The following FSTL4 variants were observed in gnomAD, a reference collection of about 807,000 sequenced individuals.
FSTL4 encodes follistatin like 4, also known as follistatin-related protein 4.
A neutral mutation model predicts 78.2 loss-of-function variants in FSTL4; 28 were observed. The ratio of observed to expected loss-of-function variants is 0.36; its 90% CI spans 0.27 to 0.49. The LOEUF is 0.49. FSTL4 is among the 20% of genes least tolerant of loss of function. The probability of loss-of-function intolerance (pLI) is 0.98; values close to 1 mark genes in which losing one functional copy is unlikely to be tolerated. For missense variants in FSTL4, 922 were observed against 1,084.9 expected, an observed-to-expected ratio of 0.85 and a Z score of 2.11; for synonymous variants, 422 against 440.5, an observed-to-expected ratio of 0.96 and a Z score of 0.53.
At chr5:133,394,768 C>T (rs1395871324) in intron 4 of FSTL4, among the ~76,000 whole-genome samples, 1 of 152,246 alleles carries the variant, frequency 6.6e-6, no homozygotes, top group African/African-American at 2.4e-5. Context: ...GGCAGCTCCA[C>T]CTGCAGCCCG....
At chr5:133,383,748 T>C (rs1000479680) in intron 4 of FSTL4, among the ~76,000 whole-genome samples, 6 of 152,150 alleles carry the variant, frequency 3.9e-5, no homozygotes, top group African/African-American at 1.4e-4. Flanking sequence ...ACCAAGGCGG[T>C]TGATTAAATA....
At chr5:133,755,226 C>A in the FSTL4 span, among the ~76,000 whole-genome samples, 31,008 of 152,118 alleles carry the variant, frequency 0.2, 3,418 homozygotes, top group East Asian at 0.41. Context: ...TGGCCAAGGG[C>A]AATTCCTAGA....
intron 7 of FSTL4, chr5:133,246,689 TG>T (rs1445252179): frequency 6.6e-6 from 1 of 152,158 alleles, no homozygotes; most frequent in African/African-American, 2.4e-5. Context: ...CCTATCTGCC[TG>T]ACTAGGGAGC....
At chr5:133,705,126 T>A in the FSTL4 span, among the ~76,000 whole-genome samples, 1 of 152,190 alleles carries the variant, frequency 6.6e-6, no homozygotes, top group African/African-American at 2.4e-5. Flanking sequence ...AGTGGCACAA[T>A]CTCGGCTCAC....
rs754429645 is a variant in FSTL4 at position 133,567,189 on chromosome 5, C to T, written c.157G>A (p.Glu53Lys). 5 of 1,607,380 alleles carry T rather than the reference C, an allele frequency of 3.1e-6. No homozygotes were observed. Among genetic ancestry groups the T allele is most frequent in the Non-Finnish European group, 4.3e-6 (5 of 1,173,830 alleles). ...EPRSFEVTRR[E>K]GLSSHNELLA... ...GGTATGAGTGCATTTTTCCTACCTTCTCTTCTTGTGACTTCAAAGCTTCTG... is the reference window on the plus strand; with the variant it reads ...GGTATGAGTGCATTTTTCCTACCTTTTCTTCTTGTGACTTCAAAGCTTCTG... Residue 53 changes from glutamate (E) to lysine (K), a missense_variant, in exon 3 of 16, where the codon GAA (glutamate) becomes AAA (lysine). Transcript: ENST00000265342.
rs554770382 is a variant in FSTL4 at position 133,545,399 on chromosome 5, T to C, written c.160+21787A>G. Among the ~76,000 whole-genome samples the C allele has an allele frequency of 5.3e-4, 80 of 152,278 alleles. 1 individual carries two copies. In the Middle Eastern group the frequency reaches 0.02, roughly 39 times the overall value. On this transcript the variant is annotated intron_variant, in intron 3 of 15. Transcript: ENST00000265342. ...AATTAGTTACAAGAGTGTGTTATTA[T>C]AAAGCAAGGCTTCTCCCTGAGTTTT...
At chr5:133,259,683 G>A (rs754119565) in intron 6 of FSTL4, among the ~76,000 whole-genome samples, 1 of 151,998 alleles carries the variant, frequency 6.6e-6, no homozygotes, top group African/African-American at 2.4e-5. Context: ...CGGACTGGTG[G>A]GAGAGAGGGA....
chr5:133,602,513 T>C (rs561402993), intron 2 of FSTL4, among the ~76,000 whole-genome samples: 1 of 152,364 alleles, frequency 6.6e-6, no homozygotes, highest in East Asian at 1.9e-4. Flanking sequence ...CTTACCTGTG[T>C]GTTTGTCTGT....
chr5:133,622,466 TA>T, the FSTL4 span, among the ~76,000 whole-genome samples: 1 of 152,150 alleles, frequency 6.6e-6, no homozygotes, highest in Non-Finnish European at 1.5e-5. Flanking sequence ...CAATTTCGAA[TA>T]AAAATGTTAC....
chr5:133,298,733 C>T (rs180719082), intron 6 of FSTL4, among the ~76,000 whole-genome samples: 6 of 152,322 alleles, frequency 3.9e-5, no homozygotes, highest in African/African-American at 1.2e-4. Context: ...TGTCTCAGTT[C>T]GCTCTGGAAG....
chr5:133,823,645 A>AG, the FSTL4 span, among the ~76,000 whole-genome samples: 11 of 152,178 alleles, frequency 7.2e-5, no homozygotes, highest in African/African-American at 2.7e-4. Context: ...GCTGGAAACC[A>AG]GGGGAGTCCT....
intron 3 of FSTL4, among the ~76,000 whole-genome samples, chr5:133,434,374 A>G (rs1288247617): frequency 1.3e-5 from 2 of 152,224 alleles, no homozygotes; most frequent in Non-Finnish European, 2.9e-5. Context: ...GTACTTTATA[A>G]AATTGGAATC....
rs888857527 is a variant in FSTL4 at position 133,516,574 on chromosome 5, A to G, written c.160+50612T>C. Among the ~76,000 whole-genome samples, 6 of 152,374 alleles carry G rather than the reference A, an allele frequency of 3.9e-5. 1 individual carries two copies. The South Asian group carries it at 1.2e-3, about 32-fold the overall frequency. On this transcript the variant is annotated intron_variant, in intron 3 of 15. Coordinates refer to ENST00000265342, the MANE Select transcript of FSTL4 (RefSeq NM_015082.2). ...GATTGTAAAGATTTAAATTTTCTCC[A>G]TATTCCCCTATAACAGTAACACAAT... is the stretch of plus-strand genomic sequence containing the variant.
intron 3 of FSTL4, among the ~76,000 whole-genome samples, chr5:133,510,296 A>T (rs1213865963): frequency 6.6e-6 from 1 of 152,156 alleles, no homozygotes; most frequent in Non-Finnish European, 1.5e-5. Flanking sequence ...TCTGGGCAAA[A>T]CACCTTGTTG....
At chr5:133,490,937 C>CTTGAGGGTGT (rs1758253906) in intron 3 of FSTL4, among the ~76,000 whole-genome samples, 3 of 152,108 alleles carry the variant, frequency 2.0e-5, no homozygotes, top group Non-Finnish European at 4.4e-5. Context: ...ACAATAGACA[C>CTTGAGGGTGT]CAGAGCCTAC....
At chr5:133,618,284 G>A in the FSTL4 span, among the ~76,000 whole-genome samples, 1 of 152,178 alleles carries the variant, frequency 6.6e-6, no homozygotes, top group Non-Finnish European at 1.5e-5. Flanking sequence ...ATTGACTGCA[G>A]GTAACTAAAC....
chr5:133,671,625 C>G, the FSTL4 span, among the ~76,000 whole-genome samples: 1 of 152,218 alleles, frequency 6.6e-6, no homozygotes, highest in East Asian at 1.9e-4. Context: ...TCATTTATAA[C>G]CTGATGCATC....
intron 3 of FSTL4, among the ~76,000 whole-genome samples, chr5:133,485,130 T>C (rs1317526712): frequency 1.3e-5 from 2 of 152,250 alleles, no homozygotes; most frequent in African/African-American, 4.8e-5. Flanking sequence ...GGTAGTGCCA[T>C]TTCTCTGTCC....
At chr5:133,786,192 A>G in the FSTL4 span, among the ~76,000 whole-genome samples, 3 of 152,176 alleles carry the variant, frequency 2.0e-5, no homozygotes, top group Non-Finnish European at 4.4e-5. Context: ...GGTGCCTACC[A>G]GCAAAGCAGG....
Sources: gnomAD v4.1 joint callset for allele counts (sites outside exome capture counted in the v4.1 genomes callset) on GRCh38, gnomAD v4.1.1 for gene constraint, MANE v1.5 for transcripts, NCBI Gene and HGNC (gene_info 2026-07-23, HGNC 2026-07-21) for gene names.